Variants in BIN1 observed in about 807,000 individuals in gnomAD.
BIN1 encodes myc box-dependent-interacting protein 1.
In BIN1, 53 loss-of-function variants were observed where a neutral mutation model predicts 82.0. The ratio of observed to expected loss-of-function variants is 0.65; its 90% CI spans 0.52 to 0.81. BIN1 has a LOEUF of 0.81. Ranked by LOEUF, BIN1 falls within the 40% of genes least tolerant of loss-of-function variation. The pLI, the probability that BIN1 is intolerant of heterozygous loss-of-function variation, is 0.00. For synonymous variants in BIN1, 302 were observed against 328.0 expected (o/e 0.92, Z 0.86); for missense variants, 642 against 784.4 (o/e 0.82, Z 2.17).
At position 127,048,177 on chromosome 2, in the gene BIN1, C is replaced by G. The variant is rs1453306051; in HGVS notation, c.*349G>C. 1 of 360,632 alleles carries G rather than the reference C, an allele frequency of 2.8e-6. No homozygotes were observed. The highest frequency in any genetic ancestry group is 5.3e-6 in the Non-Finnish European group (1 of 189,256). The allele number at this position is 360,632 out of a possible 1,614,324, so 22.3% of individuals were successfully genotyped here. On this transcript the variant is annotated 3_prime_UTR_variant, in exon 19 of 19. Transcript: ENST00000316724. ...CACAGCAGCTGCCAGGAAAAGAGGA[C>G]CCTTGCCCGGGTGGCGCGGCCGAAG...
chr2:127,101,892 C>CT (rs1479214364), intron 1 of BIN1, among the ~76,000 whole-genome samples: 1 of 152,132 alleles, frequency 6.6e-6, no homozygotes, highest in Non-Finnish European at 1.5e-5. Flanking sequence ...GATTAGCTGT[C>CT]TATAGAGGCC....
chr2:127,064,314 G>A (rs780161397), intron 7 of BIN1, among the ~76,000 whole-genome samples: 24 of 152,240 alleles, frequency 1.6e-4, no homozygotes, highest in Non-Finnish European at 3.5e-4. Flanking sequence ...GGGCAAGCCT[G>A]GGGCTTGGCG....
chr2:127,085,934 G>A (rs543703186), intron 1 of BIN1, among the ~76,000 whole-genome samples: 3 of 152,300 alleles, frequency 2.0e-5, no homozygotes, highest in Admixed American at 6.5e-5. Context: ...CACTTCAGAG[G>A]GGACTCCCTC....
At chr2:127,075,363 G>A (rs1317015553) in intron 2 of BIN1, among the ~76,000 whole-genome samples, 2 of 152,208 alleles carry the variant, frequency 1.3e-5, no homozygotes, top group Non-Finnish European at 2.9e-5. Context: ...CATGCCCTGG[G>A]GCTTCCCAGA....
In BIN1 at chr2:127,059,089, G is replaced by C. The variant is rs367611371; in HGVS notation, c.924C>G (p.Pro308=). ...SPPDGSPAAT[P]EIRVNHEPEP... ...CTGGCTCGTGGTTGACTCTGATCTC[G>C]GGGGTGGCGGCAGGGGAGCCATCTG... Residue 308 remains proline, a synonymous_variant, in exon 11 of 19, where the codon CCC becomes CCG. Coordinates refer to ENST00000316724, the MANE Select transcript of BIN1 (RefSeq NM_139343.3). The surrounding 1 kb of genome is among the most constrained non-coding windows in gnomAD (Gnocchi z 6.7). 5.0e-6 allele frequency: 8 copies of C among 1,592,304 alleles called. No individual in the cohort carries two copies. Among genetic ancestry groups the C allele is most frequent in the Admixed American group, 1.8e-5 (1 of 56,758 alleles).
In BIN1 at chr2:127,068,284, G is replaced by A; in HGVS notation, c.520-29C>T. ...GGGTGGGGAGGTCAAGGCAAAGGAA[G>A]GTGGAGAGACCAGGGAGGTGGGGAG... On this transcript the variant is annotated intron_variant, in intron 6 of 18. Transcript: ENST00000316724. This position sits in a 1 kb window ranked among gnomAD's most constrained non-coding sequence, Gnocchi z 4.9. 1 of 1,578,686 alleles carries A rather than the reference G, an allele frequency of 6.3e-7. No homozygotes were observed.
At chr2:127,106,328 C>A (rs1003911754) in intron 1 of BIN1, among the ~76,000 whole-genome samples, 12 of 152,224 alleles carry the variant, frequency 7.9e-5, no homozygotes, top group African/African-American at 2.7e-4. Flanking sequence ...CCACGGAGAA[C>A]GAAAGTGGAG....
At position 127,102,628 on chromosome 2, in the gene BIN1, G is replaced by A. The variant is rs533140497; in HGVS notation, c.84+4232C>T. 4.7e-4 allele frequency among the ~76,000 whole-genome samples: 72 copies of A among 152,336 alleles called. 2 individuals carry two copies. The South Asian group carries it at 0.013, about 28-fold the overall frequency. ...TGTGCCTGGCTTGGTCCCTGCATGA[G>A]CCAGAAGGCTGTACTCAGGCCATCC... is the stretch of plus-strand genomic sequence containing the variant. On this transcript the variant is annotated intron_variant, in intron 1 of 18. Transcript: ENST00000316724.
At chr2:127,073,803 C>T (rs960559215) in intron 2 of BIN1, among the ~76,000 whole-genome samples, 1 of 152,110 alleles carries the variant, frequency 6.6e-6, no homozygotes, top group African/African-American at 2.4e-5. Context: ...CAGACGGACC[C>T]TAGGAAGAAG....
chr2:127,060,571 C>G (rs752468040), intron 10 of BIN1: 55 of 1,613,902 alleles, frequency 3.4e-5, no homozygotes, highest in South Asian at 1.6e-4. Flanking sequence ...CCTCTGCGCC[C>G]CTCCGCAGCA....
At chr2:127,106,730 G>T in intron 1 of BIN1, 130 bp downstream of exon 1, 2 of 1,143,130 alleles carry the variant, frequency 1.7e-6, no homozygotes, top group Non-Finnish European at 2.4e-6. Flanking sequence ...CCTCGAAAGC[G>T]CTCCTCTAGA....
intron 10 of BIN1, among the ~76,000 whole-genome samples, chr2:127,061,207 T>G (rs936157991): frequency 9.1e-5 from 2 of 21,884 alleles, no homozygotes; most frequent in East Asian, 3.8e-3. Context: ...CCCACCCCGC[T>G]ACCCACCCCC....
intron 13 of BIN1, 96 bp downstream of exon 13, chr2:127,053,809 G>A (rs1683279627): frequency 8.2e-7 from 1 of 1,216,332 alleles, no homozygotes; most frequent in Non-Finnish European, 1.2e-6. Flanking sequence ...CAGTGACCCA[G>A]GCCTAGCTGG....
At chr2:127,051,129 C>T (rs1360535297) in intron 16 of BIN1, 25 bp downstream of exon 16, 1 of 1,612,478 alleles carries the variant, frequency 6.2e-7, no homozygotes, top group South Asian at 1.1e-5. Flanking sequence ...GAGGAAAAGG[C>T]AGGGCTTTGT....
rs1682478543 is a variant in BIN1, at chr2:127,048,646, G to A, written c.1675-13C>T. 6.2e-7 allele frequency: 1 copy of A among 1,611,124 alleles called. No individual in the cohort carries two copies. Among genetic ancestry groups the A allele is most frequent in the Non-Finnish European group, 8.5e-7 (1 of 1,179,042 alleles). On this transcript the variant is annotated splice_polypyrimidine_tract_variant and intron_variant, in intron 18 of 18. Coordinates refer to ENST00000316724, the MANE Select transcript of BIN1 (RefSeq NM_139343.3). ...GCCAGCCTTCATCCTGAGGGGCAGA[G>A]CACCAGGTCGCACAGGGATGAGCAA...
intron 1 of BIN1, among the ~76,000 whole-genome samples, chr2:127,079,264 A>C (rs1322902400): frequency 6.6e-6 from 1 of 152,240 alleles, no homozygotes; most frequent in Non-Finnish European, 1.5e-5. Flanking sequence ...GGGAAAAGGG[A>C]CAGCTACTCT....
chr2:127,061,477 T>TCA (rs1320629538), intron 10 of BIN1, among the ~76,000 whole-genome samples: 1 of 151,946 alleles, frequency 6.6e-6, no homozygotes, highest in Non-Finnish European at 1.5e-5. Context: ...ACAGTCCCCC[T>TCA]CACACACACA....
chr2:127,089,157 G>A (rs1359405804), intron 1 of BIN1, among the ~76,000 whole-genome samples: 1 of 152,150 alleles, frequency 6.6e-6, no homozygotes, highest in East Asian at 1.9e-4. Flanking sequence ...ACTCCCCAGG[G>A]TCACGCAGCC....
intron 1 of BIN1, among the ~76,000 whole-genome samples, chr2:127,104,730 A>G (rs995551321): frequency 2.0e-5 from 3 of 152,198 alleles, no homozygotes; most frequent in Non-Finnish European, 4.4e-5. Context: ...TGACCCTCCA[A>G]TGATGGCACA....
Sources: allele counts gnomAD v4.1 joint callset (sites outside exome capture counted in the v4.1 genomes callset), GRCh38; gene constraint gnomAD v4.1.1; non-coding constraint Gnocchi (gnomAD v3.1); transcripts MANE v1.5; gene names NCBI Gene and HGNC (gene_info 2026-07-23, HGNC 2026-07-21).